Variants in OSBPL10 observed in about 807,000 individuals in gnomAD.
OSBPL10 encodes the protein oxysterol binding protein like 10.
A neutral mutation model predicts 81.7 loss-of-function variants in OSBPL10; 49 were observed. That is an observed-to-expected ratio of 0.60 (90% CI 0.48 to 0.76). The LOEUF (loss-of-function observed/expected upper bound fraction) is 0.76. Ranked by LOEUF, OSBPL10 falls within the 30% of genes least tolerant of loss-of-function variation. The probability of loss-of-function intolerance (pLI) is 0.00; values close to 1 mark genes in which losing one functional copy is unlikely to be tolerated. For synonymous variants in OSBPL10, 419 were observed against 383.6 expected, an observed-to-expected ratio of 1.09 and a Z score of -1.08; for missense variants, 923 against 987.8, an observed-to-expected ratio of 0.93 and a Z score of 0.88.
chr3:31,668,118 A>C (rs1197653401), intron 10 of OSBPL10, among the ~76,000 whole-genome samples: 1 of 152,248 alleles, frequency 6.6e-6, no homozygotes, highest in Non-Finnish European at 1.5e-5. Context: ...CCCTGAGAAC[A>C]GATTCTTAGA....
At chr3:31,685,074 T>G (rs1700757678) in intron 7 of OSBPL10, among the ~76,000 whole-genome samples, 1 of 152,176 alleles carries the variant, frequency 6.6e-6, no homozygotes, top group South Asian at 2.1e-4. Flanking sequence ...GTAAGTCACT[T>G]AAAGCAACTG....
intron 1 of OSBPL10, among the ~76,000 whole-genome samples, chr3:31,892,506 G>T (rs192071726): frequency 3.3e-5 from 5 of 152,236 alleles, no homozygotes; most frequent in Admixed American, 3.3e-4. Flanking sequence ...TGACGACTGG[G>T]GAGACTAACA....
chr3:31,894,178 G>A (rs1025915420), intron 1 of OSBPL10, among the ~76,000 whole-genome samples: 1 of 152,130 alleles, frequency 6.6e-6, no homozygotes, highest in African/African-American at 2.4e-5. Context: ...CTTAGCCGTT[G>A]GATGGATGAA....
intron 1 of OSBPL10, among the ~76,000 whole-genome samples, chr3:31,895,203 G>A (rs921641149): frequency 4.8e-5 from 7 of 147,186 alleles, no homozygotes; most frequent in Non-Finnish European, 6.0e-5. Flanking sequence ...GTGTGATCTC[G>A]GTTCACTGCT....
Position 31,879,647 on chromosome 3 carries a change from G to C in OSBPL10, c.457+8C>G, listed in dbSNP as rs1255497975. 1.2e-6 allele frequency: 2 copies of C among 1,606,338 alleles called. No homozygotes were observed. Among genetic ancestry groups the C allele is most frequent in the Admixed American group, 1.7e-5 (1 of 57,980 alleles). On this transcript the variant is annotated splice_region_variant and intron_variant, in intron 2 of 11. Transcript: ENST00000396556. ...CCTGTCTGAAAAGTTACTGGGAGAA[G>C]AACGCACCTCTCAGTTTAAACATCT...
intron 3 of OSBPL10, among the ~76,000 whole-genome samples, chr3:31,870,692 G>A (rs976131574): frequency 9.2e-5 from 14 of 152,144 alleles, no homozygotes; most frequent in Non-Finnish European, 1.9e-4. Context: ...AGCACCCTGT[G>A]TCTACCTCAG....
intron 1 of OSBPL10, among the ~76,000 whole-genome samples, chr3:31,945,067 C>T (rs970222088): frequency 6.9e-6 from 1 of 145,708 alleles, no homozygotes; most frequent in African/African-American, 2.5e-5. Flanking sequence ...AGGAGAATCA[C>T]TTGAACCTGG....
chr3:31,777,764 T>C (rs1698581982), intron 4 of OSBPL10, among the ~76,000 whole-genome samples: 2 of 152,118 alleles, frequency 1.3e-5, no homozygotes, highest in Non-Finnish European at 2.9e-5. Flanking sequence ...AAATCCAGAT[T>C]ACAGGAAAAG....
intron 3 of OSBPL10, among the ~76,000 whole-genome samples, chr3:31,865,457 C>G (rs1319986484): frequency 6.6e-6 from 1 of 152,176 alleles, no homozygotes; most frequent in Non-Finnish European, 1.5e-5. Flanking sequence ...GTTTCTTAGA[C>G]AAATGCAACA....
Position 31,792,860 on chromosome 3 carries a change from C to CTGTGTGTGTGTG in OSBPL10, c.729+37168_729+37179dup, listed in dbSNP as rs6147757. Among the ~76,000 whole-genome samples, 355 of 126,698 alleles carry CTGTGTGTGTGTG rather than the reference C, an allele frequency of 2.8e-3. 4 individuals carry two copies. Among genetic ancestry groups the CTGTGTGTGTGTG allele is most frequent in the East Asian group, 0.014 (52 of 3,784 alleles). The allele number at this position is 126,698 out of a possible 152,430, so 83.1% of individuals were successfully genotyped here. ...TTGCACTCTCAGCTATCTAGGCACT[C>CTGTGTGTGTGTG]TGTGTGTGTGTGTGTGTGTGTGTGT... On this transcript the variant is annotated intron_variant, in intron 4 of 11. Coordinates refer to ENST00000396556, the MANE Select transcript of OSBPL10 (RefSeq NM_017784.5).
chr3:31,687,094 T>A (rs1274999790), intron 7 of OSBPL10, among the ~76,000 whole-genome samples: 1 of 152,122 alleles, frequency 6.6e-6, no homozygotes, highest in Non-Finnish European at 1.5e-5. Context: ...TGCATCTGCA[T>A]CCCTTCCCCA....
In OSBPL10 at chr3:31,807,396, A is replaced by AATAAATAAAT. The variant is rs1553628101; in HGVS notation, c.729+22643_729+22644insATTTATTTAT. On this transcript the variant is annotated intron_variant, in intron 4 of 11. Transcript: ENST00000396556. Reference sequence around the variant, plus strand: ...AGAAAAATAAATAAATAAATAAATAAATAAATAAGATTCACTCTGCATGCT... The same window carrying AATAAATAAAT: ...AGAAAAATAAATAAATAAATAAATAAATAAATAAATATAAATAAGATTCACTCTGCATGCT... Among the ~76,000 whole-genome samples the AATAAATAAAT allele has an allele frequency of 1.2e-3, 185 of 150,710 alleles. 1 individual carries two copies. In the East Asian group the frequency reaches 0.019, roughly 15 times the overall value.
At chr3:31,732,346 A>G (rs1346783665) in intron 6 of OSBPL10, among the ~76,000 whole-genome samples, 1 of 152,196 alleles carries the variant, frequency 6.6e-6, no homozygotes, top group Non-Finnish European at 1.5e-5. Flanking sequence ...TGCTTGGAGA[A>G]AAATTTCCAT....
intron 1 of OSBPL10, among the ~76,000 whole-genome samples, chr3:32,066,936 G>A (rs1181417506): frequency 1.3e-5 from 2 of 152,186 alleles, no homozygotes; most frequent in Non-Finnish European, 2.9e-5. Flanking sequence ...TAAAAGATCA[G>A]AAGAGATGAT....
intron 1 of OSBPL10, among the ~76,000 whole-genome samples, chr3:31,965,619 TATATA>T (rs1340815991): frequency 1.0e-4 from 8 of 79,536 alleles, no homozygotes; most frequent in African/African-American, 2.7e-4. Flanking sequence ...TTATATAAAT[TATATA>T]TTATATAATA....
At chr3:31,766,506 A>C (rs1281585336) in intron 4 of OSBPL10, among the ~76,000 whole-genome samples, 1 of 151,734 alleles carries the variant, frequency 6.6e-6, no homozygotes, top group Non-Finnish European at 1.5e-5. Context: ...TGACACCCAG[A>C]TAATTTTTAT....
intron 5 of OSBPL10, among the ~76,000 whole-genome samples, chr3:31,744,127 A>G (rs1278251914): frequency 1.3e-5 from 2 of 152,270 alleles, no homozygotes; most frequent in Admixed American, 1.3e-4. Context: ...GGGCTGTGTT[A>G]CATGGAATAT....
intron 1 of OSBPL10, among the ~76,000 whole-genome samples, chr3:31,946,229 C>A (rs567197126): frequency 1.2e-3 from 181 of 152,194 alleles, no homozygotes; most frequent in Middle Eastern, 3.4e-3. Context: ...ATCCACCCCC[C>A]TCAGCCTCCC....
Position 31,683,711 on chromosome 3 carries a change from C to G in OSBPL10, c.1649G>C (p.Arg550Thr). The G allele has an allele frequency of 1.9e-6, 3 of 1,614,212 alleles. No homozygotes were observed. Among genetic ancestry groups the G allele is most frequent in the Non-Finnish European group, 2.5e-6 (3 of 1,180,048 alleles). The change falls in exon 8 of 12, where the codon AGA (arginine) becomes ACA (threonine). Residue 550 changes from arginine to threonine, a missense_variant. This residue lies in a region of OSBPL10 where 387 missense variants were observed against 436.3 expected (regional missense o/e 0.89). Transcript: ENST00000396556. ...CCATACATGAGTGTTGACGCACAGT[C>G]TCTTCTCCTCGCACTCACAGTAGAA... ...SCFYCECEEK[R>T]LCVNTHVWTK... is the part of the protein sequence containing the mutation.
Sources: gnomAD v4.1 joint callset for allele counts (sites outside exome capture counted in the v4.1 genomes callset) on GRCh38, gnomAD v4.1.1 for gene constraint, gnomAD v4.1.1 regional missense constraint, MANE v1.5 for transcripts, NCBI Gene and HGNC (gene_info 2026-07-23, HGNC 2026-07-21) for gene names.